CD36: variants seen among roughly 807,000 people sequenced by gnomAD.
CD36 encodes CD36 molecule (CD36 blood group), also known as platelet glycoprotein 4.
Under a neutral mutation model 55.2 loss-of-function variants are expected in CD36, and 119 were observed. The ratio of observed to expected loss-of-function variants is 2.15; its 90% CI spans 1.86 to 2.51. CD36 has a LOEUF of 2.51. Among genes scored for constraint, CD36 ranks in the 30% most tolerant of loss-of-function variants. The pLI, the probability that CD36 is intolerant of heterozygous loss-of-function variation, is 0.00. For missense variants in CD36, 819 were observed against 555.5 expected (o/e 1.47, Z -4.77); for synonymous variants, 186 against 193.6 (o/e 0.96, Z 0.33).
intron 1 of CD36, among the ~76,000 whole-genome samples, chr7:80,608,517 T>C (rs1023320297): frequency 6.6e-6 from 1 of 152,236 alleles, no homozygotes; most frequent in Non-Finnish European, 1.5e-5. Flanking sequence ...AAAATACTCA[T>C]ACAAGTGTCT....
At chr7:80,672,743 G>A (rs761626010) in intron 11 of CD36, 27 bp from the exon 12 acceptor site, 1 of 1,487,538 alleles carries the variant, frequency 6.7e-7, no homozygotes, top group Non-Finnish European at 9.3e-7. Flanking sequence ...TTAAAAGTTG[G>A]TAATTATTTA....
intron 1 of CD36, among the ~76,000 whole-genome samples, chr7:80,603,705 G>A (rs193182629): frequency 7.7e-6 from 1 of 129,748 alleles, no homozygotes; most frequent in Admixed American, 7.5e-5. Flanking sequence ...TAACACCTGA[G>A]GATAATAAAA....
chr7:80,641,922 A>G (rs1168047019), intron 1 of CD36, among the ~76,000 whole-genome samples: 2 of 145,858 alleles, frequency 1.4e-5, no homozygotes, highest in Non-Finnish European at 3.0e-5. Context: ...TCATTACAGA[A>G]ACACTGTTGA....
intron 14 of CD36, among the ~76,000 whole-genome samples, chr7:80,674,864 T>C (rs1798094740): frequency 6.6e-6 from 1 of 152,268 alleles, no homozygotes; most frequent in South Asian, 2.1e-4. Flanking sequence ...ATAACTTATT[T>C]AGTTGTTTAC....
At chr7:80,672,184 G>GGTTTATGTCA (rs1562824183) in intron 11 of CD36, 144 bp downstream of exon 11, 45 of 668,800 alleles carry the variant, frequency 6.7e-5, no homozygotes, top group Non-Finnish European at 1.0e-4. Flanking sequence ...AACTTAGGTC[G>GGTTTATGTCA]ATTTCTTCCT....
chr7:80,635,149 T>C (rs750672366), upstream of CD36, among the ~76,000 whole-genome samples: 1 of 152,132 alleles, frequency 6.6e-6, no homozygotes, highest in Non-Finnish European at 1.5e-5. Context: ...AGGAATACAA[T>C]TGGGGATTGA....
At position 80,661,954 on chromosome 7, in the gene CD36, G is replaced by A. The variant is rs140784358; in HGVS notation, c.429+744G>A. Among the ~76,000 whole-genome samples the A allele has an allele frequency of 1.8e-4, 28 of 152,232 alleles. No individual in the cohort carries two copies. The East Asian group carries it at 5.4e-3, about 29-fold the overall frequency. The stretch of plus-strand genomic sequence containing the variant: ...CCGTCCAAATTCATGGCAAATAAAG[G>A]GCATTTGGTGCTCACCATTCACAAC... On this transcript the variant is annotated intron_variant, in intron 5 of 14. Transcript: ENST00000447544.
intron 8 of CD36, among the ~76,000 whole-genome samples, chr7:80,668,603 C>T (rs1797348475): frequency 6.6e-6 from 1 of 152,034 alleles, no homozygotes; most frequent in Non-Finnish European, 1.5e-5. Context: ...ATGGTAGTTG[C>T]TGGGTATAAT....
chr7:80,631,276 G>A (rs1411523992), intron 1 of CD36, among the ~76,000 whole-genome samples: 1 of 152,048 alleles, frequency 6.6e-6, no homozygotes, highest in Non-Finnish European at 1.5e-5. Flanking sequence ...GGAGAACAAT[G>A]AGGATGATAG....
chr7:80,627,050 A>G (rs1213310668), intron 1 of CD36, among the ~76,000 whole-genome samples: 1 of 151,942 alleles, frequency 6.6e-6, no homozygotes, highest in Non-Finnish European at 1.5e-5. Context: ...ACAAGGTTCT[A>G]TTTACTGTCC....
At chr7:80,655,934 AG>A (rs765460210) in intron 3 of CD36, among the ~76,000 whole-genome samples, 1 of 148,870 alleles carries the variant, frequency 6.7e-6, no homozygotes, top group African/African-American at 2.5e-5. Context: ...AAAAAAAAAA[AG>A]AAAAGAAAAA....
In CD36 at chr7:80,673,405, A is replaced by G; in HGVS notation, c.1250A>G (p.Asn417Ser). The G allele has an allele frequency of 1.9e-6, 3 of 1,563,754 alleles. No homozygotes were observed. The highest frequency in any genetic ancestry group is 2.6e-6 in the Non-Finnish European group (3 of 1,134,896). Reference sequence around the variant, plus strand: ...TATATTGTGCCTATTCTTTGGCTTAATGAGGTTTGTATTTGCAGCTGTTAG... The same window carrying G: ...TATATTGTGCCTATTCTTTGGCTTAGTGAGGTTTGTATTTGCAGCTGTTAG... ...RNYIVPILWL[N>S]ETGTIGDEKA... The change falls in exon 13 of 15, where the codon AAT (asparagine) becomes AGT (serine). Residue 417 changes from asparagine (N) to serine (S), a missense_variant. Asn to Ser is a conservative substitution (Grantham distance 46). Transcript: ENST00000447544.
intron 8 of CD36, among the ~76,000 whole-genome samples, chr7:80,668,325 G>A (rs1426402906): frequency 6.6e-6 from 1 of 152,164 alleles, no homozygotes; most frequent in Non-Finnish European, 1.5e-5. Flanking sequence ...AAATAGGGCT[G>A]ATACAAACTA....
chr7:80,674,593 G>A (rs991907297), intron 14 of CD36, among the ~76,000 whole-genome samples: 2 of 152,002 alleles, frequency 1.3e-5, no homozygotes, highest in Non-Finnish European at 2.9e-5. Flanking sequence ...ATAGTATCAG[G>A]AAATAGGGGA....
Position 80,674,079 on chromosome 7 carries a change from G to C in CD36, c.1351G>C (p.Val451Leu), listed in dbSNP as rs1364302132. ...CCTGATAGAAATGATCTTACTCAGTGTTGGTGTGGTGATGTTTGTTGCTTT... is the reference window on the plus strand; with the variant it reads ...CCTGATAGAAATGATCTTACTCAGTCTTGGTGTGGTGATGTTTGTTGCTTT... ...LGLIEMILLSVGVVMFVAFMI... is the reference protein window; with the variant it reads ...LGLIEMILLSLGVVMFVAFMI... The change falls in exon 14 of 15, where the codon GTT (valine) becomes CTT (leucine). Residue 451 changes from valine to leucine, a missense_variant. Physicochemically the swap from Val to Leu is conservative, Grantham distance 32. Transcript: ENST00000447544. 2 of 1,611,992 alleles carry C rather than the reference G, an allele frequency of 1.2e-6. No individual in the cohort carries two copies. Among genetic ancestry groups the C allele is most frequent in the Non-Finnish European group, 1.7e-6 (2 of 1,178,634 alleles).
rs766939373 is a variant in CD36 at position 80,672,756 on chromosome 7, T to G, written c.1126-14T>G. The G allele has an allele frequency of 3.2e-5, 51 of 1,575,578 alleles. No homozygotes were observed. Among genetic ancestry groups the G allele is most frequent in the Non-Finnish European group, 4.3e-5 (49 of 1,147,280 alleles). On this transcript the variant is annotated splice_polypyrimidine_tract_variant and intron_variant, in intron 11 of 14. Coordinates refer to ENST00000447544, the MANE Select transcript of CD36 (RefSeq NM_001001548.3). ...TTTTAAAAGTTGGTAATTATTTAGT[T>G]GTTCTCTTTTTAGATAACTGGATTC...
intron 8 of CD36, 55 bp from the exon 9 acceptor site, chr7:80,669,898 T>A: frequency 1.6e-6 from 2 of 1,248,350 alleles, no homozygotes; most frequent in East Asian, 4.6e-5. Context: ...GATTTCTAGG[T>A]TTTTTTCTAG....
chr7:80,633,122 A>G (rs976069267), intron 1 of CD36: 3 of 151,990 alleles, frequency 2.0e-5, no homozygotes, highest in African/African-American at 7.2e-5. Context: ...CAGTTTACCT[A>G]ACTATGCTGA....
At chr7:80,662,902 T>C (rs1235687023) in intron 5 of CD36, 88 bp from the exon 6 acceptor site, 2 of 1,086,388 alleles carry the variant, frequency 1.8e-6, no homozygotes, top group Non-Finnish European at 2.8e-6. Flanking sequence ...AAAAGTTTTG[T>C]ATTAAGCTCA....
Sources: gnomAD v4.1 joint callset for allele counts (sites outside exome capture counted in the v4.1 genomes callset) on GRCh38, gnomAD v4.1.1 for gene constraint, MANE v1.5 for transcripts, NCBI Gene and HGNC (gene_info 2026-07-23, HGNC 2026-07-21) for gene names.